The following DDX19B variants were observed in gnomAD, a reference collection of about 807,000 sequenced individuals.
DDX19B encodes ATP-dependent RNA helicase DDX19B.
In DDX19B, 27 loss-of-function variants were observed where a neutral mutation model predicts 58.1. The ratio of observed to expected loss-of-function variants is 0.46; its 90% CI spans 0.34 to 0.64. The LOEUF (loss-of-function observed/expected upper bound fraction) is 0.64, where lower values mean the gene tolerates loss of function less well. DDX19B is among the 30% of genes least tolerant of loss of function. DDX19B has a pLI of 0.01. For missense variants in DDX19B, 399 were observed against 596.5 expected (o/e 0.67, Z 3.45); for synonymous variants, 187 against 214.4 (o/e 0.87, Z 1.12).
At chr16:70,293,597 A>ATTTTTTTTTTTTTTTTTTTTTTTTTTT (rs71151182), upstream of DDX19B, among the ~76,000 whole-genome samples, 40 of 77,020 alleles carry the variant, frequency 5.2e-4, 5 homozygotes, top group African/African-American at 1.5e-3. Context: ...GGATGGCTGA[A>ATTTTTTTTTTTTTTTTTTTTTTTTTTT]TTTTTTTTTT....
rs1963640208 is a variant in DDX19B, at chr16:70,334,795, T to A, written c.*1213T>A. Reference sequence around the variant, plus strand: ...AGAGCAAACAATAGTAATGGACACTTCTCACACCTGGCCAAGGCTGTTGGT... The same window carrying A: ...AGAGCAAACAATAGTAATGGACACTACTCACACCTGGCCAAGGCTGTTGGT... On this transcript the variant is annotated 3_prime_UTR_variant, in exon 12 of 12. Transcript: ENST00000288071. The A allele has an allele frequency of 6.6e-6, 1 of 152,194 alleles. No individual in the cohort carries two copies. The highest frequency in any genetic ancestry group is 2.1e-4 in the South Asian group (1 of 4,830). The allele number at this position is 152,194 out of a possible 1,614,324, so 9.4% of individuals were successfully genotyped here.
upstream of DDX19B, among the ~76,000 whole-genome samples, chr16:70,294,072 ATTTTTTTT>A (rs35683856): frequency 1.3e-3 from 83 of 63,162 alleles, no homozygotes; most frequent in African/African-American, 4.0e-3. Flanking sequence ...GAGAGCCTGA[ATTTTTTTT>A]TTTTTTTTTT....
intron 6 of DDX19B, among the ~76,000 whole-genome samples, chr16:70,324,955 G>A (rs1392019035): frequency 6.6e-6 from 1 of 152,170 alleles, no homozygotes; most frequent in African/African-American, 2.4e-5. Flanking sequence ...GGAAACTGAG[G>A]CAAGAGAATC....
At chr16:70,323,267 C>T (rs111447763) in intron 5 of DDX19B, among the ~76,000 whole-genome samples, 17 of 152,018 alleles carry the variant, frequency 1.1e-4, no homozygotes, top group African/African-American at 2.7e-4. Context: ...CCACCATGTC[C>T]AGCTAATGTT....
At chr16:70,307,721 ATGTG>A (rs1180660459) in intron 1 of DDX19B, among the ~76,000 whole-genome samples, 1 of 148,442 alleles carries the variant, frequency 6.7e-6, no homozygotes, top group Non-Finnish European at 1.5e-5. Flanking sequence ...GTGTGTATAT[ATGTG>A]TGTATTTTTT....
chr16:70,317,305 C>T (rs151333564), intron 4 of DDX19B, 191 bp from the exon 5 acceptor site: 125 of 381,928 alleles, frequency 3.3e-4, no homozygotes, highest in African/African-American at 2.3e-3. Flanking sequence ...TGCTTGAACC[C>T]GGAAGGTGGA....
chr16:70,329,444 C>T lies in DDX19B; in HGVS notation c.760C>T (p.Gln254Ter). Residue 254 changes from glutamine (Q) to a stop codon, truncating the protein, a stop_gained, in exon 8 of 12, where the codon CAA becomes TAA. Coordinates refer to ENST00000288071, the MANE Select transcript of DDX19B (RefSeq NM_007242.7). LOFTEE classifies it high-confidence loss of function. ...TGTCATGATAGCCACTCAGGGCCAC[C>T]AAGATCAGAGCATCCGCATCCAGAG... ...ADVMIATQGHQDQSIRIQRML... is the reference protein window; with the variant it reads ...ADVMIATQGH The T allele has an allele frequency of 6.2e-7, 1 of 1,613,962 alleles. No individual in the cohort carries two copies. Among genetic ancestry groups the T allele is most frequent in the South Asian group, 1.1e-5 (1 of 91,084 alleles).
intron 7 of DDX19B, among the ~76,000 whole-genome samples, chr16:70,326,639 T>C (rs935353006): frequency 8.6e-5 from 13 of 151,534 alleles, no homozygotes; most frequent in Middle Eastern, 3.4e-3. Context: ...CGGGTTCAAG[T>C]GATTCTCCTG....
chr16:70,302,023 C>T (rs1047473314), intron 1 of DDX19B, among the ~76,000 whole-genome samples: 3 of 150,946 alleles, frequency 2.0e-5, no homozygotes, highest in Non-Finnish European at 2.9e-5. Flanking sequence ...TGAGTTCAAG[C>T]GATTCTCCTG....
upstream of DDX19B, chr16:70,294,793 GGCCAGT>G: frequency 1.4e-6 from 2 of 1,382,282 alleles, no homozygotes; most frequent in South Asian, 2.9e-5. Context: ...GCTCCGGCTT[GGCCAGT>G]GCCAAGAGCA....
At chr16:70,292,756 A>G (rs1352520556), upstream of DDX19B, among the ~76,000 whole-genome samples, 1 of 152,182 alleles carries the variant, frequency 6.6e-6, no homozygotes, top group African/African-American at 2.4e-5. Flanking sequence ...ATAACCAAAG[A>G]ACTGAAATAG....
At chr16:70,309,049 T>TG (rs112964635) in intron 1 of DDX19B, among the ~76,000 whole-genome samples, 11 of 152,146 alleles carry the variant, frequency 7.2e-5, no homozygotes, top group African/African-American at 2.7e-4. Context: ...TTCTTTTTTT[T>TG]TTTGTTTGTT....
chr16:70,317,435 A>G, intron 4 of DDX19B, 61 bp from the exon 5 acceptor site: 1 of 1,305,716 alleles, frequency 7.7e-7, no homozygotes, highest in South Asian at 1.3e-5. Context: ...AATCCTCCAG[A>G]TATTTTGCTG....
In DDX19B at chr16:70,327,359, C is replaced by T. The variant is rs567531992; in HGVS notation, c.607+1671C>T. Among the ~76,000 whole-genome samples the T allele has an allele frequency of 2.0e-3, 301 of 151,810 alleles. 2 individuals are homozygous for T. Among genetic ancestry groups the T allele is most frequent in the African/African-American group, 6.1e-3 (251 of 41,442 alleles). On this transcript the variant is annotated intron_variant, in intron 7 of 11. Coordinates refer to ENST00000288071, the MANE Select transcript of DDX19B (RefSeq NM_007242.7). ...ACCATCCTGGCCAACATGGTGAAAC[C>T]CCATCTCTACTAAACATAGAAAAAT...
intron 5 of DDX19B, among the ~76,000 whole-genome samples, chr16:70,323,435 T>C (rs367762676): frequency 4.7e-5 from 7 of 150,142 alleles, no homozygotes; most frequent in Non-Finnish European, 7.4e-5. Context: ...TTTCTTTTTT[T>C]TTTTTTGACA....
chr16:70,318,710 C>T (rs1420265226), intron 5 of DDX19B, among the ~76,000 whole-genome samples: 10 of 144,582 alleles, frequency 6.9e-5, no homozygotes, highest in South Asian at 2.2e-4. Flanking sequence ...GCAGGAGAAT[C>T]GGTTGAACCT....
intron 2 of DDX19B, among the ~76,000 whole-genome samples, chr16:70,313,009 ATTTTTAT>A (rs912432165): frequency 4.9e-5 from 7 of 143,926 alleles, no homozygotes; most frequent in Admixed American, 2.1e-4. Flanking sequence ...CGCCCAACTA[ATTTTTAT>A]TTTTTATTTT....
chr16:70,299,073 C>G, upstream of DDX19B: 1 of 1,191,708 alleles, frequency 8.4e-7, no homozygotes, highest in Non-Finnish European at 1.1e-6. Flanking sequence ...CTTGCTCTGC[C>G]CGGGGTTGAG....
chr16:70,323,356 T>G (rs1165662983), intron 5 of DDX19B, among the ~76,000 whole-genome samples: 6 of 151,954 alleles, frequency 3.9e-5, no homozygotes, highest in Non-Finnish European at 5.9e-5. Flanking sequence ...ATCACCCACC[T>G]CAACCTCCCG....
Sources: allele counts gnomAD v4.1 joint callset (sites outside exome capture counted in the v4.1 genomes callset), GRCh38; gene constraint gnomAD v4.1.1; transcripts MANE v1.5; gene names NCBI Gene and HGNC (gene_info 2026-07-23, HGNC 2026-07-21).